SMG6: variants seen among roughly 807,000 people sequenced by gnomAD.
SMG6 encodes the protein telomerase-binding protein EST1A.
Under a neutral mutation model 142.2 loss-of-function variants are expected in SMG6, and 66 were observed. That is an observed-to-expected ratio of 0.46 (90% CI 0.38 to 0.57). SMG6 has a LOEUF of 0.57. Ranked by LOEUF, SMG6 falls within the 20% of genes least tolerant of loss-of-function variation. The pLI, the probability that SMG6 is intolerant of heterozygous loss-of-function variation, is 0.00. For synonymous variants in SMG6, 779 were observed against 702.4 expected (o/e 1.11, Z -1.72); for missense variants, 1,793 against 1,832.0 (o/e 0.98, Z 0.39).
chr17:2,233,121 C>T (rs751751162), intron 10 of SMG6: 1 of 152,284 alleles, frequency 6.6e-6, no homozygotes, highest in African/African-American at 2.4e-5. Context: ...CAGCAAAGGA[C>T]ACACTTTTAG....
chr17:2,119,787 A>G (rs7220358), intron 13 of SMG6, among the ~76,000 whole-genome samples: 53,772 of 151,688 alleles, frequency 0.35, 10,159 homozygotes, highest in African/African-American at 0.49. Context: ...TCAGCCTCCC[A>G]AGTAGATTGG....
intron 1 of SMG6, 36 bp from the exon 2 acceptor site, chr17:2,300,700 T>TAGAA (rs2075262158): frequency 6.6e-7 from 1 of 1,516,414 alleles, no homozygotes; most frequent in African/African-American, 1.4e-5. Context: ...GAGGGAAAGG[T>TAGAA]AGAAGATAAG....
rs967264869 is a variant in SMG6, at chr17:2,138,479, C to G, written c.3357+34179G>C. On this transcript the variant is annotated intron_variant, in intron 13 of 18. Transcript: ENST00000263073. ...GCCAGACTAAATGAAGACATATAAC[C>G]GGAAGTCAGCCACCAGCCTGACCCC... Among the ~76,000 whole-genome samples, 8 of 152,130 alleles carry G rather than the reference C, an allele frequency of 5.3e-5. 1 individual carries two copies. Among genetic ancestry groups the G allele is most frequent in the Admixed American group, 4.6e-4 (7 of 15,262 alleles).
At chr17:2,083,998 G>A (rs890816834) in intron 14 of SMG6, among the ~76,000 whole-genome samples, 2 of 151,966 alleles carry the variant, frequency 1.3e-5, no homozygotes, top group Middle Eastern at 3.2e-3. Context: ...GCCTTAGAAC[G>A]AGAAAAAAAA....
At position 2,158,490 on chromosome 17, in the gene SMG6, T is replaced by C. The variant is rs542856246; in HGVS notation, c.3357+14168A>G. ...TAGGCAGCTAAAGATTCATTTTTCC[T>C]GTCACTGACAATAATGATATCACAA... is the stretch of plus-strand genomic sequence containing the variant. On this transcript the variant is annotated intron_variant, in intron 13 of 18. Transcript: ENST00000263073. Among the ~76,000 whole-genome samples, 187 of 152,330 alleles carry C rather than the reference T, an allele frequency of 1.2e-3. 1 individual carries two copies. Among genetic ancestry groups the C allele is most frequent in the Non-Finnish European group, 2.3e-3 (156 of 68,018 alleles).
chr17:2,125,600 CA>C, intron 13 of SMG6, among the ~76,000 whole-genome samples: 1 of 152,294 alleles, frequency 6.6e-6, no homozygotes, highest in African/African-American at 2.4e-5. Context: ...AGATTCAATG[CA>C]GTTCCTATCA....
intron 13 of SMG6, among the ~76,000 whole-genome samples, chr17:2,152,835 AT>A (rs2070868871): frequency 6.6e-6 from 1 of 152,252 alleles, no homozygotes; most frequent in Non-Finnish European, 1.5e-5. Flanking sequence ...TCCAAGAGAA[AT>A]GAAAACCTAA....
chr17:2,253,985 T>C (rs923772528), intron 8 of SMG6, among the ~76,000 whole-genome samples: 3 of 152,216 alleles, frequency 2.0e-5, no homozygotes. Context: ...AAGTGCCAGA[T>C]TAAGATTTAT....
chr17:2,271,116 GTTT>G (rs542881081), intron 8 of SMG6, among the ~76,000 whole-genome samples: 1 of 132,216 alleles, frequency 7.6e-6, no homozygotes. Flanking sequence ...TTTTTTTCTG[GTTT>G]TTTTTTTTTT....
Position 2,061,132 on chromosome 17 carries a change from A to G in SMG6, c.*360T>C. ...CCCCTGCCCTGTCTCCACTGGAGAA[A>G]GTGGCTGCGTCCCCAGGCGAGAAGG... is the stretch of plus-strand genomic sequence containing the variant. On this transcript the variant is annotated 3_prime_UTR_variant, in exon 19 of 19. Transcript: ENST00000263073. 1 of 212,134 alleles carries G rather than the reference A, an allele frequency of 4.7e-6. No homozygotes were observed. The highest frequency in any genetic ancestry group is 9.8e-6 in the Non-Finnish European group (1 of 102,328). 13.1% of individuals were successfully genotyped at this position (212,134 alleles called of 1,614,324 possible).
At chr17:2,303,610 A>T (rs576033667) in intron 1 of SMG6, 23 bp downstream of exon 1, 1 of 1,427,638 alleles carries the variant, frequency 7.0e-7, no homozygotes, top group Non-Finnish European at 9.1e-7. Flanking sequence ...GGCCCGGCCC[A>T]GGAGCTGGGC....
At chr17:2,111,355 A>G (rs1346366002) in intron 13 of SMG6, among the ~76,000 whole-genome samples, 4 of 152,170 alleles carry the variant, frequency 2.6e-5, no homozygotes, top group Non-Finnish European at 5.9e-5. Flanking sequence ...AAGAAAGGTA[A>G]TATTTGATCA....
chr17:2,274,219 T>C (rs1407758429), intron 8 of SMG6, among the ~76,000 whole-genome samples: 1 of 152,220 alleles, frequency 6.6e-6, no homozygotes, highest in Non-Finnish European at 1.5e-5. Flanking sequence ...ATCTGGCCCT[T>C]CATAGAAAAA....
At position 2,240,494 on chromosome 17, in the gene SMG6, C is replaced by A. The variant is rs913643235; in HGVS notation, c.2724-3857G>T. Among the ~76,000 whole-genome samples the A allele has an allele frequency of 1.1e-4, 16 of 147,276 alleles. 1 individual carries two copies. In the South Asian group the frequency reaches 2.1e-3, roughly 20 times the overall value. On this transcript the variant is annotated intron_variant, in intron 9 of 18. Coordinates refer to ENST00000263073, the MANE Select transcript of SMG6 (RefSeq NM_017575.5). The stretch of plus-strand genomic sequence containing the variant: ...AGGGTGGAAATGAGAAAAAAAAAAA[C>A]AAATCATAGTACTACAGAACATAAG...
In SMG6 at chr17:2,122,913, G is replaced by A. The variant is rs148629866; in HGVS notation, c.3358-37012C>T. Among the ~76,000 whole-genome samples, 9 of 152,332 alleles carry A rather than the reference G, an allele frequency of 5.9e-5. No individual in the cohort carries two copies. The East Asian group carries it at 1.7e-3, about 29-fold the overall frequency. ...AGGGGCCCCTTCCTCTTTGCCACAT[G>A]GGTAGGAAGCAGAGATGGAGGTGGT... On this transcript the variant is annotated intron_variant, in intron 13 of 18. Transcript: ENST00000263073.
intron 13 of SMG6, among the ~76,000 whole-genome samples, chr17:2,150,614 C>T (rs1278965123): frequency 1.3e-5 from 2 of 152,128 alleles, no homozygotes; most frequent in Non-Finnish European, 2.9e-5. Flanking sequence ...GCCCTCGATG[C>T]TATGGAAGTG....
chr17:2,160,329 T>C (rs1053063205), intron 13 of SMG6, among the ~76,000 whole-genome samples: 3 of 152,038 alleles, frequency 2.0e-5, no homozygotes, highest in Non-Finnish European at 2.9e-5. Context: ...AAGTGATTCT[T>C]GTGCCTCAGC....
chr17:2,103,982 T>C (rs2069083445), intron 13 of SMG6, among the ~76,000 whole-genome samples: 1 of 151,824 alleles, frequency 6.6e-6, no homozygotes, highest in South Asian at 2.1e-4. Flanking sequence ...GTTGGAATCT[T>C]GTTCTGTAGC....
At chr17:2,282,468 G>T (rs2074809760) in intron 8 of SMG6, among the ~76,000 whole-genome samples, 179 bp downstream of exon 8, 1 of 151,800 alleles carries the variant, frequency 6.6e-6, no homozygotes, top group African/African-American at 2.4e-5. Flanking sequence ...GTGAGAGAGG[G>T]AAGTACATAA....
Sources: gnomAD v4.1 joint callset for allele counts (sites outside exome capture counted in the v4.1 genomes callset) on GRCh38, gnomAD v4.1.1 for gene constraint, MANE v1.5 for transcripts, NCBI Gene and HGNC (gene_info 2026-07-23, HGNC 2026-07-21) for gene names.